FKBP11: variants seen among roughly 807,000 people sequenced by gnomAD.
FKBP11 encodes peptidyl-prolyl cis-trans isomerase FKBP11.
In FKBP11, 21 loss-of-function variants were observed where a neutral mutation model predicts 24.7. That is an observed-to-expected ratio of 0.85 (90% CI 0.60 to 1.23). The LOEUF is 1.23. Ranked by LOEUF, FKBP11 falls within the 50% of genes most tolerant of loss-of-function variation. FKBP11 has a pLI of 0.00. For missense variants in FKBP11, 245 were observed against 248.7 expected (o/e 0.99, Z 0.10); for synonymous variants, 106 against 100.6 (o/e 1.05, Z -0.32).
rs754136058 is a variant in FKBP11 at position 48,925,327 on chromosome 12, G to A, written c.102C>T (p.Pro34=). 1.2e-6 allele frequency: 2 copies of A among 1,611,364 alleles called. No homozygotes were observed. The highest frequency in any genetic ancestry group is 1.7e-5 in the Admixed American group (1 of 59,686). ...GGGTCTCCACTTGGAGGGTCCGGAC[G>A]GGACTTTCGGTTTCGAGCCCAGCCT... is the stretch of plus-strand genomic sequence containing the variant. ...RAEAGLETES[P]VRTLQVETLV... Residue 34 remains proline, a synonymous_variant, in exon 1 of 6, where the codon CCC becomes CCT. Transcript: ENST00000550765.
At chr12:48,922,890 T>C in intron 5 of FKBP11, 1 of 1,060,216 alleles carries the variant, frequency 9.4e-7, no homozygotes, top group Admixed American at 5.1e-5. Flanking sequence ...GGCTCATGCC[T>C]GTAATCCCCG....
At chr12:48,938,818 G>C in the FKBP11 span, 1 of 1,230,308 alleles carries the variant, frequency 8.1e-7, no homozygotes, top group Non-Finnish European at 1.1e-6. Flanking sequence ...CAAGGCTCTT[G>C]CTGGGCATGT....
At chr12:48,938,495 AAC>A in the FKBP11 span, 4 of 451,442 alleles carry the variant, frequency 8.9e-6, no homozygotes, top group Non-Finnish European at 1.8e-5. Flanking sequence ...CATGCACGCA[AAC>A]ACAGAGAGGC....
chr12:48,930,157 C>G (rs758828478), upstream of FKBP11, among the ~76,000 whole-genome samples: 43 of 152,142 alleles, frequency 2.8e-4, 1 homozygote. Context: ...CTATGAAATA[C>G]TGAGAAGCCA....
At chr12:48,931,304 C>A, upstream of FKBP11, 7 of 861,880 alleles carry the variant, frequency 8.1e-6, no homozygotes, top group South Asian at 1.1e-4. Context: ...TTGTCTTATC[C>A]AGGTCTGAGG....
At chr12:48,938,633 A>G in the FKBP11 span, 1 of 441,956 alleles carries the variant, frequency 2.3e-6, no homozygotes, top group South Asian at 1.7e-5. Context: ...CCAAACAAAG[A>G]GAATACCCCA....
upstream of FKBP11, among the ~76,000 whole-genome samples, chr12:48,926,841 C>G (rs1357993902): frequency 1.3e-5 from 2 of 151,870 alleles, no homozygotes; most frequent in Non-Finnish European, 2.9e-5. Context: ...CGGAGTTTCA[C>G]TCTTGTCGCC....
Position 48,921,978 on chromosome 12 carries a change from T to TTTCCTA in FKBP11, c.*5_*6insTAGGAA. 1 of 1,565,396 alleles carries TTTCCTA rather than the reference T, an allele frequency of 6.4e-7. No homozygotes were observed. Among genetic ancestry groups the TTTCCTA allele is most frequent in the Non-Finnish European group, 8.6e-7 (1 of 1,160,510 alleles). On this transcript the variant is annotated 3_prime_UTR_variant, in exon 6 of 6. Transcript: ENST00000550765. ...TGCAAATAAGTTTTTTAAAATTTAT[T>TTTCCTA]ATTTATTATTTCTTTTTGCTCTTGT...
the FKBP11 span, chr12:48,938,686 C>T: frequency 3.5e-5 from 17 of 488,314 alleles, no homozygotes; most frequent in Non-Finnish European, 5.7e-5. Context: ...AGAGGGGCCA[C>T]CCCATGAAAC....
At chr12:48,938,552 G>A in the FKBP11 span, 1 of 457,312 alleles carries the variant, frequency 2.2e-6, no homozygotes, top group South Asian at 1.6e-5. Context: ...GCAAAGGAAA[G>A]GCAAACAGGG....
At chr12:48,933,850 G>A in the FKBP11 span, among the ~76,000 whole-genome samples, 4 of 151,560 alleles carry the variant, frequency 2.6e-5, no homozygotes, top group Admixed American at 2.6e-4. Flanking sequence ...CTGGGTGACA[G>A]AGACTGTGTC....
upstream of FKBP11, among the ~76,000 whole-genome samples, chr12:48,927,099 C>T (rs149554608): frequency 1.2e-4 from 18 of 152,356 alleles, no homozygotes; most frequent in East Asian, 3.1e-3. Flanking sequence ...TGAGCCAATG[C>T]GCCCAGCCAA....
chr12:48,936,367 G>C, the FKBP11 span: 3 of 152,758 alleles, frequency 2.0e-5, no homozygotes, highest in Admixed American at 6.5e-5. Context: ...ACTTTGGGGT[G>C]GGGGGAGCGG....
chr12:48,932,235 ATATATATAT>A, the FKBP11 span, among the ~76,000 whole-genome samples: 1 of 30,534 alleles, frequency 3.3e-5, no homozygotes, highest in African/African-American at 1.4e-4. Flanking sequence ...ATTTATATAT[ATATATATAT>A]ATATATATAT....
intron 5 of FKBP11, chr12:48,923,217 T>G (rs763328429): frequency 1.6e-6 from 2 of 1,274,892 alleles, no homozygotes; most frequent in African/African-American, 3.0e-5. Flanking sequence ...ATAGAACATT[T>G]GTTAGAACTG....
chr12:48,923,935 A>C (rs1939893395), intron 4 of FKBP11, 83 bp from the exon 5 acceptor site: 1 of 1,374,906 alleles, frequency 7.3e-7, no homozygotes, highest in Middle Eastern at 1.8e-4. Context: ...CTTCAGCAAA[A>C]CCCCCTGAAT....
chr12:48,923,582 C>T, intron 5 of FKBP11, 200 bp downstream of exon 5: 1 of 1,551,872 alleles, frequency 6.4e-7, no homozygotes, highest in Non-Finnish European at 8.7e-7. Context: ...TGCCAGGTGG[C>T]CTCATCAGGT....
intron 5 of FKBP11, chr12:48,922,511 T>C: frequency 9.9e-7 from 1 of 1,006,838 alleles, no homozygotes; most frequent in Non-Finnish European, 1.2e-6. Flanking sequence ...GAACCCTCTA[T>C]ACTAACTACT....
the FKBP11 span, chr12:48,937,901 C>T: frequency 6.3e-6 from 1 of 159,936 alleles, no homozygotes; most frequent in East Asian, 1.8e-4. Flanking sequence ...GGGATTGGCC[C>T]ATGCCTCACC....
Sources: gnomAD v4.1 joint callset for allele counts (sites outside exome capture counted in the v4.1 genomes callset) on GRCh38, gnomAD v4.1.1 for gene constraint, MANE v1.5 for transcripts, NCBI Gene and HGNC (gene_info 2026-07-23, HGNC 2026-07-21) for gene names.